ZSCAN20: variants seen among roughly 807,000 people sequenced by gnomAD.
The protein encoded by ZSCAN20 is zinc finger and SCAN domain containing 20, also known as zinc finger and SCAN domain-containing protein 20.
ZSCAN20 carries 39 observed loss-of-function variants against 97.1 expected under a neutral mutation model. The ratio of observed to expected loss-of-function variants is 0.40; its 90% confidence interval spans 0.31 to 0.52. The LOEUF is 0.52. Among genes scored for constraint, ZSCAN20 ranks in the 20% least tolerant of loss-of-function variants. The pLI is 0.49. For synonymous variants in ZSCAN20, 456 were observed against 467.3 expected (o/e 0.98, Z 0.31); for missense variants, 1,115 against 1,290.4 (o/e 0.86, Z 2.08).
At chr1:33,476,148 C>G (rs1339760791) in intron 1 of ZSCAN20, among the ~76,000 whole-genome samples, 1 of 152,168 alleles carries the variant, frequency 6.6e-6, no homozygotes, top group Admixed American at 6.5e-5. Context: ...ATTGCTGGTC[C>G]TAATGAGGCT....
chr1:33,485,250 T>C (rs914459895), intron 2 of ZSCAN20, among the ~76,000 whole-genome samples: 3 of 152,136 alleles, frequency 2.0e-5, no homozygotes, highest in Admixed American at 2.0e-4. Context: ...GTAAAGGAAT[T>C]GGTCTTTTTC....
chr1:33,491,833 G>A lies in ZSCAN20; in HGVS notation c.1444+131G>A. On this transcript the variant is annotated intron_variant, in intron 6 of 7. Coordinates refer to ENST00000684572, the MANE Select transcript of ZSCAN20 (RefSeq NM_001377376.1). The surrounding 1 kb of genome is among the most constrained non-coding windows in gnomAD (Gnocchi z 4.3). ...CTAGAGTGAAGAGCTACATTCCTTA[G>A]GTCATCCTCAAACTCCAACTTTCTT... The A allele has an allele frequency of 1.1e-6, 1 of 894,880 alleles. No homozygotes were observed. The highest frequency in any genetic ancestry group is 1.6e-6 in the Non-Finnish European group (1 of 622,584). The allele number at this position is 894,880 out of a possible 1,614,324, so 55.4% of individuals were successfully genotyped here.
At chr1:33,489,218 C>G (rs757855864) in intron 4 of ZSCAN20, 27 bp downstream of exon 4, 1 of 1,603,368 alleles carries the variant, frequency 6.2e-7, no homozygotes, top group Admixed American at 1.7e-5. Flanking sequence ...TCTTCCTTTC[C>G]TGTCATTGCT....
intron 5 of ZSCAN20, among the ~76,000 whole-genome samples, chr1:33,490,360 C>T (rs777909889): frequency 6.6e-6 from 1 of 152,152 alleles, no homozygotes; most frequent in Non-Finnish European, 1.5e-5. Context: ...CAATTAAAGG[C>T]TTCCTATTTT....
chr1:33,477,886 G>A (rs952401081), intron 1 of ZSCAN20, among the ~76,000 whole-genome samples: 2 of 151,848 alleles, frequency 1.3e-5, no homozygotes, highest in African/African-American at 4.8e-5. Flanking sequence ...TGTGGTCGAG[G>A]ACTGAATCTT....
rs1426567276 is a variant in ZSCAN20, at chr1:33,498,698, C to G, written c.*3222C>G. Among the ~76,000 whole-genome samples, 2 of 152,188 alleles carry G rather than the reference C, an allele frequency of 1.3e-5. No homozygotes were observed. Among genetic ancestry groups the G allele is most frequent in the African/African-American group, 4.8e-5 (2 of 41,454 alleles). ...CCCTGGTTATGGAAAACCAAACCAGCAAATGCTGCCCTGGGAGGGTGTTAC... is the reference window on the plus strand; with the variant it reads ...CCCTGGTTATGGAAAACCAAACCAGGAAATGCTGCCCTGGGAGGGTGTTAC... On this transcript the variant is annotated 3_prime_UTR_variant, in exon 8 of 8. Coordinates refer to ENST00000684572, the MANE Select transcript of ZSCAN20 (RefSeq NM_001377376.1).
rs1652934049 is a variant in ZSCAN20 at position 33,497,974 on chromosome 1, A to T, written c.*2498A>T. On this transcript the variant is annotated 3_prime_UTR_variant, in exon 8 of 8. Transcript: ENST00000684572. ...GCTAGGGGAGAGGCTAGGACTAGAG[A>T]TCTGTGTATGCGAAGTAGTTAAACT... Among the ~76,000 whole-genome samples, 1 of 152,122 alleles carries T rather than the reference A, an allele frequency of 6.6e-6. No individual in the cohort carries two copies. Among genetic ancestry groups the T allele is most frequent in the Non-Finnish European group, 1.5e-5 (1 of 68,014 alleles).
In ZSCAN20 at chr1:33,491,387, C is replaced by T. The variant is rs1570561489; in HGVS notation, c.1129C>T (p.Arg377Cys). The T allele has an allele frequency of 4.3e-6, 7 of 1,614,178 alleles. No individual in the cohort carries two copies. The highest frequency in any genetic ancestry group is 1.3e-5 in the African/African-American group (1 of 75,044). The part of the protein sequence containing the change: ...RGFLRTLEQC[R>C]YRVKNLLRNY... ...CTTCCTGCGGACACTGGAGCAATGT[C>T]GCTATAGGGTCAAAAACCTCCTACG... The change falls in exon 6 of 8, where the codon CGC (arginine) becomes TGC (cysteine). Residue 377 changes from arginine to cysteine, a missense_variant. By Grantham distance (180) the Arg-to-Cys change is radical. Transcript: ENST00000684572. This position sits in a 1 kb window ranked among gnomAD's most constrained non-coding sequence, Gnocchi z 4.3.
At position 33,495,153 on chromosome 1, in the gene ZSCAN20, G is replaced by T. The variant is rs370741667; in HGVS notation, c.2809G>T (p.Gly937Trp). The T allele has an allele frequency of 7.4e-5, 119 of 1,613,806 alleles. 2 individuals carry two copies. In the South Asian group the frequency reaches 1.1e-3, roughly 15 times the overall value. ...GEKPYKCVDCGKCFSERSKLI... is the reference protein window; with the variant it reads ...GEKPYKCVDCWKCFSERSKLI... The stretch of plus-strand genomic sequence containing the variant: ...GAAGCCGTATAAATGTGTGGACTGT[G>T]GGAAGTGCTTCAGTGAGCGCTCCAA... Residue 937 changes from glycine to tryptophan, a missense_variant, in exon 8 of 8, where the codon GGG becomes TGG. Coordinates refer to ENST00000684572, the MANE Select transcript of ZSCAN20 (RefSeq NM_001377376.1).
Position 33,494,517 on chromosome 1 carries a change from T to G in ZSCAN20, c.2173T>G (p.Phe725Val), listed in dbSNP as rs1345405075. Residue 725 changes from phenylalanine to valine, a missense_variant, in exon 8 of 8, where the codon TTC (phenylalanine) becomes GTC (valine). Transcript: ENST00000684572. ...GAAGAGCTTCAGTCGGAGCTCCCACTTCATTGCCCATCAGCGAATCCACAC... is the reference window on the plus strand; with the variant it reads ...GAAGAGCTTCAGTCGGAGCTCCCACGTCATTGCCCATCAGCGAATCCACAC... ...CMKSFSRSSH[F>V]IAHQRIHTGE... 1 of 1,614,032 alleles carries G rather than the reference T, an allele frequency of 6.2e-7. No individual in the cohort carries two copies. The highest frequency in any genetic ancestry group is 8.5e-7 in the Non-Finnish European group (1 of 1,180,036).
At position 33,499,541 on chromosome 1, in the gene ZSCAN20, CA is replaced by C. The variant is rs113376303; in HGVS notation, c.*4066del. ...TGGGGCTCTTGGCCTGCCCATTCAGCACGTGCATTGATGTACACACTCAGTG... is the reference window on the plus strand; with the variant it reads ...TGGGGCTCTTGGCCTGCCCATTCAGCCGTGCATTGATGTACACACTCAGTG... On this transcript the variant is annotated 3_prime_UTR_variant, in exon 8 of 8. Transcript: ENST00000684572. 1.3e-5 allele frequency among the ~76,000 whole-genome samples: 2 copies of C among 152,232 alleles called. No homozygotes were observed. Among genetic ancestry groups the C allele is most frequent in the African/African-American group, 4.8e-5 (2 of 41,544 alleles).
intron 5 of ZSCAN20, among the ~76,000 whole-genome samples, chr1:33,490,684 C>CACACACACACACACACACA (rs57345949): frequency 1.6e-5 from 2 of 127,922 alleles, no homozygotes; most frequent in African/African-American, 2.8e-5. Flanking sequence ...CACACACACA[C>CACACACACACACACACACA]CACACACCCT....
intron 1 of ZSCAN20, among the ~76,000 whole-genome samples, chr1:33,475,762 C>A (rs913244280): frequency 7.9e-5 from 12 of 151,770 alleles, no homozygotes; most frequent in Non-Finnish European, 1.6e-4. Flanking sequence ...TGGGTTTAAG[C>A]AATTCTCCTG....
chr1:33,488,609 C>T lies in ZSCAN20; in HGVS notation c.562C>T (p.His188Tyr). The T allele has an allele frequency of 6.2e-7, 1 of 1,613,330 alleles. No individual in the cohort carries two copies. Among genetic ancestry groups the T allele is most frequent in the Non-Finnish European group, 8.5e-7 (1 of 1,179,768 alleles). The change falls in exon 3 of 8, where the codon CAC (histidine) becomes TAC (tyrosine). Residue 188 changes from histidine (H) to tyrosine (Y), a missense_variant. Physicochemically the swap from His to Tyr is moderately conservative, Grantham distance 83 (BLOSUM62 2). This residue lies in a region of ZSCAN20 where 508 missense variants were observed against 611.2 expected (regional missense o/e 0.83). Coordinates refer to ENST00000684572, the MANE Select transcript of ZSCAN20 (RefSeq NM_001377376.1). ...VKNTCPDLPN[H>Y]LNAEVAPQPL... ...GAATACATGCCCTGACCTTCCCAAT[C>T]ACCTAAATGCCGAGGTGGCACCACA...
At position 33,495,548 on chromosome 1, in the gene ZSCAN20, A is replaced by G; in HGVS notation, c.*72A>G. The G allele has an allele frequency of 1.5e-6, 2 of 1,305,100 alleles. No homozygotes were observed. The highest frequency in any genetic ancestry group is 2.0e-6 in the Non-Finnish European group (2 of 1,009,760). The allele number at this position is 1,305,100 out of a possible 1,614,324, so 80.8% of individuals were successfully genotyped here. ...ATATCATAAGATGTATGCTAGAGAT[A>G]AACTTTCCAATTTTTAAGCTTGGTG... On this transcript the variant is annotated 3_prime_UTR_variant, in exon 8 of 8. Transcript: ENST00000684572.
chr1:33,501,410 C>T lies in ZSCAN20; in HGVS notation c.*5934C>T, dbSNP rs1653063975. 6.6e-6 allele frequency among the ~76,000 whole-genome samples: 1 copy of T among 152,136 alleles called. No homozygotes were observed. Among genetic ancestry groups the T allele is most frequent in the African/African-American group, 2.4e-5 (1 of 41,434 alleles). ...AAATTAAAATGGATTAAATTTTGTCCATCAGGAGCCTCAGGGATTTAATGT... is the reference window on the plus strand; with the variant it reads ...AAATTAAAATGGATTAAATTTTGTCTATCAGGAGCCTCAGGGATTTAATGT... On this transcript the variant is annotated 3_prime_UTR_variant, in exon 8 of 8. Coordinates refer to ENST00000684572, the MANE Select transcript of ZSCAN20 (RefSeq NM_001377376.1).
Position 33,494,864 on chromosome 1 carries a change from C to T in ZSCAN20, c.2520C>T (p.His840=). ...CCCAAAGCCCATCTTTTAGTGCTCA[C>T]TGGAGGAATTCTACAGAAGAGACAG... ...NFAQSPSFSA[H]WRNSTEETAP... Residue 840 remains histidine (H), a synonymous_variant, in exon 8 of 8, where the codon CAC becomes CAT. Transcript: ENST00000684572. The T allele has an allele frequency of 6.2e-7, 1 of 1,614,216 alleles. No homozygotes were observed. The highest frequency in any genetic ancestry group is 8.5e-7 in the Non-Finnish European group (1 of 1,180,040).
rs187942390 is a variant in ZSCAN20 at position 33,494,608 on chromosome 1, C to G, written c.2264C>G (p.Thr755Ser). The change falls in exon 8 of 8, where the codon ACC becomes AGC. Residue 755 changes from threonine (T) to serine (S), a missense_variant. Physicochemically the swap from Thr to Ser is moderately conservative, Grantham distance 58. This residue lies in a region of ZSCAN20 where 554 missense variants were observed against 584.9 expected (regional missense o/e 0.95). Coordinates refer to ENST00000684572, the MANE Select transcript of ZSCAN20 (RefSeq NM_001377376.1). Reference protein sequence around the residue: ...KNFSDRSNLNTHQRIHTGEKP... With the variant: ...KNFSDRSNLNSHQRIHTGEKP... ...TTTAGTGACCGCTCTAACCTCAATA[C>G]CCATCAGAGAATCCACACTGGAGAG... 1.2e-6 allele frequency: 2 copies of G among 1,613,868 alleles called. No individual in the cohort carries two copies. The highest frequency in any genetic ancestry group is 2.2e-5 in the South Asian group (2 of 91,078).
Position 33,495,516 on chromosome 1 carries a change from A to G in ZSCAN20, c.*40A>G, listed in dbSNP as rs776438639. 21 of 1,444,430 alleles carry G rather than the reference A, an allele frequency of 1.5e-5. No homozygotes were observed. Among genetic ancestry groups the G allele is most frequent in the Admixed American group, 2.4e-5 (1 of 41,746 alleles). 89.5% of individuals were successfully genotyped at this position (1,444,430 alleles called of 1,614,324 possible). ...AACAACAAAGGAGGACTCAATGTAT[A>G]TATCTTATATCATAAGATGTATGCT... On this transcript the variant is annotated 3_prime_UTR_variant, in exon 8 of 8. Coordinates refer to ENST00000684572, the MANE Select transcript of ZSCAN20 (RefSeq NM_001377376.1).
Sources: allele counts gnomAD v4.1 joint callset (sites outside exome capture counted in the v4.1 genomes callset), GRCh38; gene constraint gnomAD v4.1.1; regional missense constraint gnomAD v4.1.1; non-coding constraint Gnocchi (gnomAD v3.1); transcripts MANE v1.5; gene names NCBI Gene and HGNC (gene_info 2026-07-23, HGNC 2026-07-21).